CACNA1G: variants seen among roughly 807,000 people sequenced by gnomAD.
CACNA1G encodes the protein voltage-dependent T-type calcium channel subunit alpha-1G.
Under a neutral mutation model 219.4 loss-of-function variants are expected in CACNA1G, and 67 were observed. The observed-to-expected ratio is 0.31, with a 90% CI of 0.25 to 0.37. The LOEUF (loss-of-function observed/expected upper bound fraction) is 0.37. Among genes scored for constraint, CACNA1G ranks in the 10% least tolerant of loss-of-function variants. CACNA1G has a pLI of 1.00. For missense variants in CACNA1G, 2,380 were observed against 3,231.4 expected (o/e 0.74, Z 6.39); for synonymous variants, 1,296 against 1,345.3 (o/e 0.96, Z 0.80).
In CACNA1G at chr17:50,595,017, A is replaced by T; in HGVS notation, c.2935A>T (p.Ser979Cys). 1 of 1,554,494 alleles carries T rather than the reference A, an allele frequency of 6.4e-7. No individual in the cohort carries two copies. Among genetic ancestry groups the T allele is most frequent in the Non-Finnish European group, 8.7e-7 (1 of 1,148,512 alleles). Residue 979 changes from serine (S) to cysteine (C), a missense_variant, in exon 14 of 38, where the codon AGT becomes TGT. Ser to Cys is a moderately radical substitution (Grantham distance 112). Around this residue, in one of 17 missense-constraint regions of CACNA1G, gnomAD observed 418 missense variants for 434.3 expected, o/e 0.96. Coordinates refer to ENST00000359106, the MANE Select transcript of CACNA1G (RefSeq NM_018896.5). ...AEEISKREDASGQLSCIQLPV... is the reference protein window; with the variant it reads ...AEEISKREDACGQLSCIQLPV... ...GGAAATCAGCAAACGGGAAGATGCG[A>T]GTGGACAGTTAAGCTGTATTCAGCT...
rs181244511 is a variant in CACNA1G, at chr17:50,578,407, G to T, written c.2144G>T (p.Ser715Ile). The change falls in exon 9 of 38, where the codon AGC becomes ATC. Residue 715 changes from serine to isoleucine, a missense_variant. Ser to Ile is a moderately radical substitution (Grantham distance 142). Coordinates refer to ENST00000359106, the MANE Select transcript of CACNA1G (RefSeq NM_018896.5). This position sits in a 1 kb window ranked among gnomAD's most constrained non-coding sequence, Gnocchi z 4.5. ...GACCCCCACAGCCGGCGGCAACGGA[G>T]CCTGGGCCCAGATGCAGAGCCCAGC... is the stretch of plus-strand genomic sequence containing the variant. ...LRDPHSRRQR[S>I]LGPDAEPSSV... The T allele has an allele frequency of 1.2e-4, 188 of 1,613,358 alleles. No individual in the cohort carries two copies. In the African/African-American group the frequency reaches 2.2e-3, roughly 19 times the overall value.
intron 1 of CACNA1G, among the ~76,000 whole-genome samples, chr17:50,562,682 G>A (rs556303468): frequency 2.0e-5 from 3 of 152,262 alleles, no homozygotes; most frequent in South Asian, 4.1e-4. Flanking sequence ...CTGCAGGCCC[G>A]CGAAAGTCTT....
chr17:50,575,338 C>T (rs573685174), intron 7 of CACNA1G, among the ~76,000 whole-genome samples: 110 of 152,266 alleles, frequency 7.2e-4, no homozygotes, highest in African/African-American at 2.5e-3. Context: ...AATGTTTGAC[C>T]TCTGTGGACC....
intron 35 of CACNA1G, 25 bp from the exon 36 acceptor site, chr17:50,623,882 C>G (rs569264414): frequency 1.3e-6 from 2 of 1,593,454 alleles, no homozygotes; most frequent in Non-Finnish European, 1.7e-6. Context: ...TCTTCCTCCA[C>G]CTCCCTCCCC....
chr17:50,604,263 C>T lies in CACNA1G; in HGVS notation c.4278C>T (p.Phe1426=), dbSNP rs1442098848. Residue 1426 remains phenylalanine (F), a synonymous_variant, in exon 22 of 38, where the codon TTC becomes TTT. Coordinates refer to ENST00000359106, the MANE Select transcript of CACNA1G (RefSeq NM_018896.5). ...TCTGCTGTGCCTTCTTCATCATTTT[C>T]GGCATCTTGGGGGTGCAGGTGTGTG... ...VVICCAFFII[F]GILGVQLFKG... The T allele has an allele frequency of 6.8e-6, 11 of 1,613,332 alleles. No homozygotes were observed. The highest frequency in any genetic ancestry group is 2.2e-5 in the East Asian group (1 of 44,878).
intron 37 of CACNA1G, among the ~76,000 whole-genome samples, chr17:50,625,435 G>A (rs1476505591): frequency 6.6e-6 from 1 of 152,234 alleles, no homozygotes; most frequent in Non-Finnish European, 1.5e-5. Context: ...CCTGCCCCCT[G>A]AAGCTCACAG....
chr17:50,609,459 T>C (rs2048706048), intron 25 of CACNA1G, among the ~76,000 whole-genome samples: 1 of 152,060 alleles, frequency 6.6e-6, no homozygotes, highest in Non-Finnish European at 1.5e-5. Flanking sequence ...GTGGCCACCG[T>C]CCCACTCCTG....
At position 50,603,034 on chromosome 17, in the gene CACNA1G, G is replaced by A; in HGVS notation, c.4004G>A (p.Cys1335Tyr). 1.2e-6 allele frequency: 2 copies of A among 1,612,818 alleles called. No individual in the cohort carries two copies. Among genetic ancestry groups the A allele is most frequent in the Non-Finnish European group, 1.7e-6 (2 of 1,179,198 alleles). Residue 1335 changes from cysteine (C) to tyrosine (Y), a missense_variant, in exon 21 of 38, where the codon TGC becomes TAC. By Grantham distance (194) the Cys-to-Tyr change is radical. This residue lies in a region of CACNA1G where 153 missense variants were observed against 374.9 expected (regional missense o/e 0.41). Transcript: ENST00000359106. This position sits in a 1 kb window ranked among gnomAD's most constrained non-coding sequence, Gnocchi z 6.4. ...CCCCAGGTGGTGGCACTGGGCTGGT[G>A]CTTCGGGGAGCAGGCGTACCTGCGG... is the stretch of plus-strand genomic sequence containing the variant. ...MTVKVVALGW[C>Y]FGEQAYLRSS...
At chr17:50,585,259 C>T (rs975926090) in intron 9 of CACNA1G, among the ~76,000 whole-genome samples, 3 of 152,170 alleles carry the variant, frequency 2.0e-5, no homozygotes, top group Admixed American at 1.3e-4. Flanking sequence ...GATCCTCCCA[C>T]CCCAGCCTCC....
rs551696900 is a variant in CACNA1G, at chr17:50,591,829, C to G, written c.2730C>G (p.Leu910=). ...LPDRKNFDSL[L]WAIVTVFQIL... ...ACCGGAAGAATTTTGACTCCTTGCT[C>G]TGGGCCATCGTCACTGTCTTTCAGG... Residue 910 remains leucine, a synonymous_variant, in exon 12 of 38, where the codon CTC becomes CTG. Coordinates refer to ENST00000359106, the MANE Select transcript of CACNA1G (RefSeq NM_018896.5). 1 of 1,613,986 alleles carries G rather than the reference C, an allele frequency of 6.2e-7. No homozygotes were observed. The highest frequency in any genetic ancestry group is 2.2e-5 in the East Asian group (1 of 44,864).
At chr17:50,595,774 C>A (rs1334764460) in intron 14 of CACNA1G, among the ~76,000 whole-genome samples, 1 of 152,222 alleles carries the variant, frequency 6.6e-6, no homozygotes, top group East Asian at 1.9e-4. Flanking sequence ...CCCGAGCAGC[C>A]CCCTGGAGAT....
In CACNA1G at chr17:50,606,297, A is replaced by G. The variant is rs548392741; in HGVS notation, c.4422+274A>G. ...GGCTTGCCCAGGGCCACAGAGCTAC[A>G]TGGTGGAGCAGGAAGCACACGTGGC... On this transcript the variant is annotated intron_variant, in intron 23 of 37. Transcript: ENST00000359106. The G allele has an allele frequency of 8.7e-6, 6 of 692,196 alleles. No individual in the cohort carries two copies. In the East Asian group the frequency reaches 1.6e-4, roughly 19 times the overall value. The allele number at this position is 692,196 out of a possible 1,614,324, so 42.9% of individuals were successfully genotyped here.
In CACNA1G at chr17:50,569,015, T is replaced by TGTGTTG. The variant is rs58450142; in HGVS notation, c.354+34_354+35insGTGTTG. 3.3e-3 allele frequency: 4,076 copies of TGTGTTG among 1,225,200 alleles called. 27 individuals carry two copies. The highest frequency in any genetic ancestry group is 0.033 in the African/African-American group (2,134 of 64,448). 75.9% of individuals were successfully genotyped at this position (1,225,200 alleles called of 1,614,324 possible). ...GTGTGTGTGTGTGTGTGTGTGTGTG[T>TGTGTTG]TGTGTGTGTTGGGGGTTGGCCCCTC... On this transcript the variant is annotated intron_variant, in intron 2 of 37. Transcript: ENST00000359106.
intron 36 of CACNA1G, 43 bp downstream of exon 36, chr17:50,624,118 T>A: frequency 1.3e-6 from 2 of 1,591,796 alleles, no homozygotes; most frequent in Non-Finnish European, 1.7e-6. Context: ...CACAGGGAGA[T>A]TCCATCCTGG....
At chr17:50,580,488 T>A (rs974413479) in intron 9 of CACNA1G, among the ~76,000 whole-genome samples, 8 of 152,134 alleles carry the variant, frequency 5.3e-5, no homozygotes, top group African/African-American at 1.7e-4. Context: ...GAGGTTTTGA[T>A]TGCACTGGGA....
chr17:50,573,007 T>C lies in CACNA1G; in HGVS notation c.1048-14T>C, dbSNP rs891935024. ...GGTGGGCCCATAGTCAGCCTGCCCCTCTGCACCCCCTAGGTCATCACGCTG... is the reference window on the plus strand; with the variant it reads ...GGTGGGCCCATAGTCAGCCTGCCCCCCTGCACCCCCTAGGTCATCACGCTG... On this transcript the variant is annotated splice_polypyrimidine_tract_variant and intron_variant, in intron 6 of 37. Coordinates refer to ENST00000359106, the MANE Select transcript of CACNA1G (RefSeq NM_018896.5). 8 of 1,575,138 alleles carry C rather than the reference T, an allele frequency of 5.1e-6. No individual in the cohort carries two copies. The highest frequency in any genetic ancestry group is 5.2e-6 in the Non-Finnish European group (6 of 1,158,910).
At chr17:50,584,669 G>A (rs1388087913) in intron 9 of CACNA1G, among the ~76,000 whole-genome samples, 3 of 152,050 alleles carry the variant, frequency 2.0e-5, no homozygotes, top group African/African-American at 7.2e-5. Context: ...GTGGAGGAAC[G>A]GCTGGCTCCC....
intron 9 of CACNA1G, among the ~76,000 whole-genome samples, chr17:50,589,301 C>T (rs891723784): frequency 6.6e-6 from 1 of 152,144 alleles, no homozygotes; most frequent in African/African-American, 2.4e-5. Flanking sequence ...AACCCTTAGG[C>T]ATTCAAGTGC....
Position 50,604,275 on chromosome 17 carries a change from G to A in CACNA1G, c.4290G>A (p.Gly1430=). ...CAFFIIFGIL[G]VQLFKGKFFV... ...TCTTCATCATTTTCGGCATCTTGGG[G>A]GTGCAGGTGTGTGGGGTTCTGGGGG... The change falls in exon 22 of 38, where the codon GGG becomes GGA. Residue 1430 remains glycine (G), a synonymous_variant. Transcript: ENST00000359106. 3 of 1,613,474 alleles carry A rather than the reference G, an allele frequency of 1.9e-6. No homozygotes were observed. The highest frequency in any genetic ancestry group is 2.5e-6 in the Non-Finnish European group (3 of 1,179,476).
Sources: allele counts gnomAD v4.1 joint callset (sites outside exome capture counted in the v4.1 genomes callset), GRCh38; gene constraint gnomAD v4.1.1; regional missense constraint gnomAD v4.1.1; non-coding constraint Gnocchi (gnomAD v3.1); transcripts MANE v1.5; gene names NCBI Gene and HGNC (gene_info 2026-07-23, HGNC 2026-07-21).